The following TNIK variants were observed in gnomAD, a reference collection of about 807,000 sequenced individuals.
TNIK encodes the protein TRAF2 and NCK-interacting protein kinase.
Under a neutral mutation model 191.3 loss-of-function variants are expected in TNIK, and 49 were observed. The observed-to-expected ratio is 0.26, with a 90% confidence interval of 0.20 to 0.32. The LOEUF (loss-of-function observed/expected upper bound fraction) is 0.32. TNIK is among the 10% of genes least tolerant of loss of function. The pLI is 1.00. For missense variants in TNIK, 1,155 were observed against 1,702.3 expected (o/e 0.68, Z 5.66); for synonymous variants, 594 against 600.9 (o/e 0.99, Z 0.17).
At chr3:171,209,524 G>A (rs936858667) in intron 4 of TNIK, among the ~76,000 whole-genome samples, 4 of 151,886 alleles carry the variant, frequency 2.6e-5, no homozygotes, top group African/African-American at 4.8e-5. Flanking sequence ...ATATTTTATG[G>A]TGTATCCCTT....
In TNIK at chr3:171,379,537, CTG is replaced by C. The variant is rs768711722; in HGVS notation, c.58-9854_58-9853del. Among the ~76,000 whole-genome samples, 10 of 152,310 alleles carry C rather than the reference CTG, an allele frequency of 6.6e-5. 1 individual carries two copies. In the East Asian group the frequency reaches 9.7e-4, roughly 15 times the overall value. Reference sequence around the variant, plus strand: ...CACACAAGGAATGCACAAGCCCCAACTGTGTGTTCAGAGACTGTTTTCTAACA... The same window carrying C: ...CACACAAGGAATGCACAAGCCCCAACTGTGTTCAGAGACTGTTTTCTAACA... On this transcript the variant is annotated intron_variant, in intron 1 of 32. Transcript: ENST00000436636.
chr3:171,106,949 G>A (rs1246014487), intron 21 of TNIK, among the ~76,000 whole-genome samples: 1 of 152,134 alleles, frequency 6.6e-6, no homozygotes, highest in Middle Eastern at 3.2e-3. Flanking sequence ...TAGCCAGACT[G>A]GAACATTGGA....
chr3:171,129,016 T>C, intron 15 of TNIK, 138 bp from the exon 16 acceptor site: 1 of 1,335,410 alleles, frequency 7.5e-7, no homozygotes, highest in Non-Finnish European at 9.9e-7. Flanking sequence ...GACAAAACTC[T>C]GTGCTGCATC....
At chr3:171,443,328 C>T (rs1375961646) in intron 1 of TNIK, among the ~76,000 whole-genome samples, 2 of 152,172 alleles carry the variant, frequency 1.3e-5, no homozygotes, top group Admixed American at 1.3e-4. Context: ...GCCCTTTCAA[C>T]CACGCCAATT....
intron 21 of TNIK, chr3:171,106,569 A>T (rs1032566516): frequency 1.5e-5 from 7 of 453,634 alleles, no homozygotes; most frequent in Non-Finnish European, 3.3e-5. Flanking sequence ...TGCAGGTCTG[A>T]CAAATAGCAG....
chr3:171,149,402 C>T (rs754845978), intron 12 of TNIK, among the ~76,000 whole-genome samples: 13 of 152,146 alleles, frequency 8.5e-5, no homozygotes, highest in Admixed American at 6.5e-4. Flanking sequence ...GTCTTAAAAG[C>T]GTAGGCAGGA....
chr3:171,169,594 A>T (rs2108762547), intron 9 of TNIK, among the ~76,000 whole-genome samples: 1 of 152,288 alleles, frequency 6.6e-6, no homozygotes, highest in South Asian at 2.1e-4. Flanking sequence ...TAAAGTACTC[A>T]ACCAACTATT....
chr3:171,137,108 C>CTTTTTTTTTT (rs71176593), intron 15 of TNIK, among the ~76,000 whole-genome samples: 8 of 104,162 alleles, frequency 7.7e-5, no homozygotes, highest in East Asian at 3.3e-4. Flanking sequence ...TTTAAAAATC[C>CTTTTTTTTTT]TTTTTTTTTT....
chr3:171,292,133 C>CAAG (rs1295742412), intron 2 of TNIK, among the ~76,000 whole-genome samples: 1 of 152,004 alleles, frequency 6.6e-6, no homozygotes, highest in Admixed American at 6.6e-5. Context: ...CTTATGTGTA[C>CAAG]AAGAATATTT....
chr3:171,403,574 A>G (rs574224493), intron 1 of TNIK, among the ~76,000 whole-genome samples: 1 of 145,806 alleles, frequency 6.9e-6, no homozygotes, highest in South Asian at 2.1e-4. Flanking sequence ...GGATCGTGCC[A>G]CTGCACTCCA....
intron 12 of TNIK, among the ~76,000 whole-genome samples, chr3:171,143,230 T>C (rs879139822): frequency 2.6e-5 from 4 of 152,228 alleles, no homozygotes; most frequent in Admixed American, 2.6e-4. Context: ...ACCCTGCCAA[T>C]TTCCAGCTGC....
rs79607104 is a variant in TNIK, at chr3:171,448,569, C to CTTTTT, written c.57+11433_57+11437dup. 1.1e-3 allele frequency among the ~76,000 whole-genome samples: 143 copies of CTTTTT among 126,380 alleles called. 3 individuals are homozygous for CTTTTT. Among genetic ancestry groups the CTTTTT allele is most frequent in the African/African-American group, 3.8e-3 (129 of 33,544 alleles). 82.9% of individuals were successfully genotyped at this position (126,380 alleles called of 152,430 possible). On this transcript the variant is annotated intron_variant, in intron 1 of 32. Transcript: ENST00000436636. ...AGGTTACTATAAATATTCATGTACA[C>CTTTTT]TTTTTTTTTTTTTTTTTTGCATGAA...
At chr3:171,298,367 C>T (rs770380191) in intron 2 of TNIK, among the ~76,000 whole-genome samples, 1 of 152,178 alleles carries the variant, frequency 6.6e-6, no homozygotes, top group East Asian at 1.9e-4. Context: ...AAATACTTAG[C>T]CAGACTGATA....
chr3:171,443,595 G>A (rs1727110327), intron 1 of TNIK, among the ~76,000 whole-genome samples: 1 of 151,944 alleles, frequency 6.6e-6, no homozygotes, highest in African/African-American at 2.4e-5. Flanking sequence ...GCACTTTTGG[G>A]AGGCTGAGCC....
chr3:171,120,523 G>A (rs1461830467), intron 18 of TNIK, among the ~76,000 whole-genome samples: 1 of 152,080 alleles, frequency 6.6e-6, no homozygotes, highest in Non-Finnish European at 1.5e-5. Flanking sequence ...GTTTCACCGT[G>A]TTAGCCAGGA....
chr3:171,315,736 C>A (rs924340451), intron 2 of TNIK, among the ~76,000 whole-genome samples: 2 of 152,120 alleles, frequency 1.3e-5, no homozygotes, highest in African/African-American at 2.4e-5. Context: ...TCATCCCTCC[C>A]ATCTCTGCTC....
chr3:171,332,398 C>A (rs1756498845), intron 2 of TNIK, among the ~76,000 whole-genome samples: 1 of 152,182 alleles, frequency 6.6e-6, no homozygotes, highest in South Asian at 2.1e-4. Flanking sequence ...GATGGATGAA[C>A]ATTTTTAGGC....
chr3:171,454,250 G>T (rs1266428150), intron 1 of TNIK, among the ~76,000 whole-genome samples: 1 of 152,146 alleles, frequency 6.6e-6, no homozygotes, highest in Non-Finnish European at 1.5e-5. Flanking sequence ...CTGGCTGGGT[G>T]GACTTTAGAA....
In TNIK at chr3:171,450,878, T is replaced by C. The variant is rs149515510; in HGVS notation, c.57+9129A>G. Among the ~76,000 whole-genome samples, 152 of 152,356 alleles carry C rather than the reference T, an allele frequency of 1.0e-3. 1 individual carries two copies. Among genetic ancestry groups the C allele is most frequent in the African/African-American group, 3.5e-3 (146 of 41,582 alleles). ...GCTGAACATGCAGGCAAGATCCCTA[T>C]TCTCACAAAACTTATTAGGCTCCAG... On this transcript the variant is annotated intron_variant, in intron 1 of 32. Coordinates refer to ENST00000436636, the MANE Select transcript of TNIK (RefSeq NM_015028.4).
Sources: gnomAD v4.1 joint callset for allele counts (sites outside exome capture counted in the v4.1 genomes callset) on GRCh38, gnomAD v4.1.1 for gene constraint, MANE v1.5 for transcripts, NCBI Gene and HGNC (gene_info 2026-07-23, HGNC 2026-07-21) for gene names.